The following CDKN3 variants were observed in gnomAD, a reference collection of about 807,000 sequenced individuals.
The protein encoded by CDKN3 is cyclin dependent kinase inhibitor 3.
A neutral mutation model predicts 36.1 loss-of-function variants in CDKN3; 19 were observed. The observed-to-expected ratio is 0.53, with a 90% CI of 0.37 to 0.77. The LOEUF (loss-of-function observed/expected upper bound fraction) is 0.77, where lower values mean the gene tolerates loss of function less well. CDKN3 is among the 30% of genes least tolerant of loss of function. The pLI, the probability that CDKN3 is intolerant of heterozygous loss-of-function variation, is 0.00. For synonymous variants in CDKN3, 71 were observed against 85.3 expected (o/e 0.83, Z 0.92); for missense variants, 188 against 248.6 (o/e 0.76, Z 1.64).
intron 6 of CDKN3, among the ~76,000 whole-genome samples, 165 bp downstream of exon 6, chr14:54,416,095 G>A (rs991559654): frequency 2.0e-5 from 3 of 152,168 alleles, no homozygotes; most frequent in African/African-American, 4.8e-5. Context: ...GGAAAGCTTG[G>A]GTGGGAGTGG....
chr14:54,412,600 G>A (rs1156710753), intron 5 of CDKN3, among the ~76,000 whole-genome samples: 1 of 152,088 alleles, frequency 6.6e-6, no homozygotes, highest in African/African-American at 2.4e-5. Flanking sequence ...TTAAGGAAAG[G>A]GGACAAAATG....
chr14:54,407,267 C>G (rs12586890), intron 3 of CDKN3, among the ~76,000 whole-genome samples: 1 of 152,116 alleles, frequency 6.6e-6, no homozygotes, highest in African/African-American at 2.4e-5. Flanking sequence ...TTCTCCTGTA[C>G]GAAGTGTCTG....
At chr14:54,406,966 A>G (rs527831435) in intron 3 of CDKN3, among the ~76,000 whole-genome samples, 57 of 152,174 alleles carry the variant, frequency 3.7e-4, no homozygotes, top group African/African-American at 1.3e-3. Flanking sequence ...GTTTTTCCTC[A>G]TCTTCGCGGA....
Position 54,411,673 on chromosome 14 carries a change from C to A in CDKN3, c.383C>A (p.Thr128Asn), listed in dbSNP as rs1341322549. The A allele has an allele frequency of 3.7e-6, 6 of 1,613,436 alleles. No homozygotes were observed. The highest frequency in any genetic ancestry group is 1.3e-5 in the African/African-American group (1 of 75,052). The change falls in exon 5 of 8, where the codon ACC becomes AAC. Residue 128 changes from threonine (T) to asparagine (N), a missense_variant. Coordinates refer to ENST00000335183, the MANE Select transcript of CDKN3 (RefSeq NM_005192.4). ...TGTGAAATAATGGAAGAGCTTACAACCTGCCTTAAAAATTACCGAAAAACC... is the reference window on the plus strand; with the variant it reads ...TGTGAAATAATGGAAGAGCTTACAAACTGCCTTAAAAATTACCGAAAAACC... ...SCCEIMEELT[T>N]CLKNYRKTLI... is the part of the protein sequence containing the mutation.
At chr14:54,411,199 A>ATG in intron 4 of CDKN3, 1 of 242,132 alleles carries the variant, frequency 4.1e-6, no homozygotes. Flanking sequence ...AAAAAAAAAG[A>ATG]GGGGGGGTTA....
chr14:54,417,118 G>A (rs1019093850), intron 6 of CDKN3, among the ~76,000 whole-genome samples: 3 of 152,186 alleles, frequency 2.0e-5, no homozygotes, highest in African/African-American at 2.4e-5. Flanking sequence ...AAATAGTCTA[G>A]CAGTAGTTCT....
intron 3 of CDKN3, among the ~76,000 whole-genome samples, chr14:54,407,012 T>G (rs941565686): frequency 1.3e-5 from 2 of 152,190 alleles, no homozygotes; most frequent in African/African-American, 4.8e-5. Flanking sequence ...TGGTGACTTT[T>G]GAATGGGGGT....
intron 5 of CDKN3, among the ~76,000 whole-genome samples, chr14:54,413,369 T>TC (rs2030425037): frequency 6.6e-6 from 1 of 151,830 alleles, no homozygotes; most frequent in African/African-American, 2.4e-5. Flanking sequence ...TTTTTTTTTT[T>TC]CAAATAAATT....
chr14:54,414,999 C>CTACAATACAATACAATACAA (rs533167499), intron 5 of CDKN3, among the ~76,000 whole-genome samples: 4 of 151,972 alleles, frequency 2.6e-5, no homozygotes, highest in African/African-American at 7.3e-5. Context: ...ACAGCTTTAC[C>CTACAATACAATACAATACAA]TACAATACAA....
At chr14:54,418,024 A>G (rs2030608300) in intron 7 of CDKN3, 73 bp downstream of exon 7, 1 of 827,712 alleles carries the variant, frequency 1.2e-6, no homozygotes, top group Non-Finnish European at 2.0e-6. Flanking sequence ...TGTGTAACCA[A>G]AAGGTTACAT....
At position 54,411,827 on chromosome 14, in the gene CDKN3, T is replaced by G. The variant is rs4251639; in HGVS notation, c.416+121T>G. The G allele has an allele frequency of 2.0e-3, 1,436 of 735,084 alleles. 8 individuals carry two copies. Among genetic ancestry groups the G allele is most frequent in the Middle Eastern group, 0.016 (62 of 3,906 alleles). The allele number at this position is 735,084 out of a possible 1,614,324, so 45.5% of individuals were successfully genotyped here. A position where few individuals can be genotyped will look rare whatever the true frequency, so the allele number is the denominator to read the frequency against. ...GTTTGTTGTAAGGATTAAAAGGTAA[T>G]AATGCACTAGGAAAGCACTGGCACA... On this transcript the variant is annotated intron_variant, in intron 5 of 7. Coordinates refer to ENST00000335183, the MANE Select transcript of CDKN3 (RefSeq NM_005192.4).
At chr14:54,407,431 G>T (rs2030198759) in intron 3 of CDKN3, among the ~76,000 whole-genome samples, 1 of 152,232 alleles carries the variant, frequency 6.6e-6, no homozygotes. Flanking sequence ...TAAGTCTGCT[G>T]AAGCTGTGCC....
chr14:54,397,340 A>G (rs1886337141), intron 1 of CDKN3, among the ~76,000 whole-genome samples: 1 of 152,220 alleles, frequency 6.6e-6, no homozygotes, highest in Non-Finnish European at 1.5e-5. Context: ...GCGGGGTCTC[A>G]TAAGCCTCCC....
chr14:54,404,501 A>G (rs1466721934), intron 3 of CDKN3, among the ~76,000 whole-genome samples: 1 of 152,016 alleles, frequency 6.6e-6, no homozygotes, highest in East Asian at 1.9e-4. Flanking sequence ...CAAAAAAACC[A>G]GCTCCTAGAT....
chr14:54,416,903 C>T (rs1487115047), intron 6 of CDKN3, among the ~76,000 whole-genome samples: 7 of 152,188 alleles, frequency 4.6e-5, no homozygotes, highest in Non-Finnish European at 1.0e-4. Flanking sequence ...GCAAGATACA[C>T]ATATAGTCAG....
At chr14:54,414,359 C>T (rs560953952) in intron 5 of CDKN3, 16 of 152,114 alleles carry the variant, frequency 1.1e-4, no homozygotes, top group African/African-American at 3.9e-4. Context: ...TGCAATAAGA[C>T]AGGAGAGGCA....
At chr14:54,412,821 T>C (rs1335994607) in intron 5 of CDKN3, 1 of 504,528 alleles carries the variant, frequency 2.0e-6, no homozygotes, top group African/African-American at 1.9e-5. Context: ...AATAACCTGC[T>C]TAATCCTTTC....
Position 54,399,958 on chromosome 14 carries a change from C to T in CDKN3, c.74C>T (p.Thr25Ile), listed in dbSNP as rs1886427814. 3 of 1,506,806 alleles carry T rather than the reference C, an allele frequency of 2.0e-6. No homozygotes were observed. In the South Asian group the frequency reaches 3.4e-5, roughly 17 times the overall value. 93.3% of individuals were successfully genotyped at this position (1,506,806 alleles called of 1,614,324 possible). The part of the protein sequence containing the change: ...SDEEPIEDEQ[T>I]PIHISWLSLS... ...GAAGAGCCTATTGAAGATGAACAGA[C>T]TCCAATTCATATATCATGGTATGTT... The change falls in exon 2 of 8, where the codon ACT (threonine) becomes ATT (isoleucine). Residue 25 changes from threonine to isoleucine, a missense_variant. By Grantham distance (89) the Thr-to-Ile change is moderately conservative. Transcript: ENST00000335183.
At chr14:54,410,017 A>G (rs182366641) in intron 4 of CDKN3, among the ~76,000 whole-genome samples, 2 of 152,284 alleles carry the variant, frequency 1.3e-5, no homozygotes, top group East Asian at 1.9e-4. Flanking sequence ...GGAAATTTCT[A>G]TTTGGAGAAC....
Sources: gnomAD v4.1 joint callset for allele counts (sites outside exome capture counted in the v4.1 genomes callset) on GRCh38, gnomAD v4.1.1 for gene constraint, MANE v1.5 for transcripts, NCBI Gene and HGNC (gene_info 2026-07-23, HGNC 2026-07-21) for gene names.